KATNIP: variants seen among roughly 807,000 people sequenced by gnomAD.
The protein encoded by KATNIP is katanin interacting protein, also known as katanin-interacting protein.
A neutral mutation model predicts 174.0 loss-of-function variants in KATNIP; 126 were observed. The ratio of observed to expected loss-of-function variants is 0.72; its 90% CI spans 0.63 to 0.84. The LOEUF is 0.84. Among genes scored for constraint, KATNIP ranks in the 40% least tolerant of loss-of-function variants. KATNIP has a pLI of 0.00. For missense variants in KATNIP, 1,958 were observed against 2,109.7 expected, an observed-to-expected ratio of 0.93 and a Z score of 1.41; for synonymous variants, 810 against 835.7, an observed-to-expected ratio of 0.97 and a Z score of 0.53.
chr16:27,744,290 C>A (rs1445937416), intron 15 of KATNIP, among the ~76,000 whole-genome samples: 2 of 151,958 alleles, frequency 1.3e-5, no homozygotes, highest in Non-Finnish European at 2.9e-5. Flanking sequence ...CTTTGGGAGG[C>A]CAAGGTGGGA....
Position 27,628,816 on chromosome 16 carries a change from C to G in KATNIP, c.296C>G (p.Thr99Arg). Residue 99 changes from threonine to arginine, a missense_variant, in exon 4 of 28, where the codon ACG (threonine) becomes AGG (arginine). By Grantham distance (71) the Thr-to-Arg change is moderately conservative. Coordinates refer to ENST00000261588, the MANE Select transcript of KATNIP (RefSeq NM_015202.5). Reference sequence around the variant, plus strand: ...GACTTCTCCAGAAGTGCCTCCCACACGGAGGGGACACACGGTGAGCACAGG... The same window carrying G: ...GACTTCTCCAGAAGTGCCTCCCACAGGGAGGGGACACACGGTGAGCACAGG... ...HSDFSRSASH[T>R]EGTHDYGRRT... is the part of the protein sequence containing the mutation. The G allele has an allele frequency of 1.9e-6, 3 of 1,614,080 alleles. No homozygotes were observed. Among genetic ancestry groups the G allele is most frequent in the Non-Finnish European group, 2.5e-6 (3 of 1,179,996 alleles).
intron 8 of KATNIP, 102 bp from the exon 9 acceptor site, chr16:27,698,225 GC>G (rs1222817906): frequency 8.3e-7 from 1 of 1,212,000 alleles, no homozygotes; most frequent in African/African-American, 1.5e-5. Flanking sequence ...GAGAGTATGG[GC>G]CAGTTGTTTT....
At position 27,637,841 on chromosome 16, in the gene KATNIP, AT is replaced by A. The variant is rs1476821747; in HGVS notation, c.408+6683del. Among the ~76,000 whole-genome samples, 1 of 152,142 alleles carries A rather than the reference AT, an allele frequency of 6.6e-6. No homozygotes were observed. The highest frequency in any genetic ancestry group is 2.4e-5 in the African/African-American group (1 of 41,442). On this transcript the variant is annotated intron_variant, in intron 5 of 27. Transcript: ENST00000261588. This position sits in a 1 kb window ranked among gnomAD's most constrained non-coding sequence, Gnocchi z 4.7. The stretch of plus-strand genomic sequence containing the variant: ...AGTAGAGCGCCACGTTTGGGTTCAT[AT>A]TTTGGGTTCATGTGTGCAGAAAGGA...
chr16:27,714,904 C>A (rs1180210901), intron 13 of KATNIP, among the ~76,000 whole-genome samples: 1 of 152,292 alleles, frequency 6.6e-6, no homozygotes, highest in East Asian at 1.9e-4. Context: ...TCAGCAAAAT[C>A]ACTATCAGAA....
chr16:27,677,700 C>T, intron 6 of KATNIP, 29 bp from the exon 7 acceptor site: 5 of 1,578,602 alleles, frequency 3.2e-6, no homozygotes, highest in Non-Finnish European at 4.3e-6. Flanking sequence ...CCATATTTAT[C>T]TCTCATCTCT....
chr16:27,777,157 G>A lies in KATNIP; in HGVS notation c.4551+128G>A, dbSNP rs946350213. Reference sequence around the variant, plus strand: ...CAACCCTCAACACAAATGCCTGGTCGTCAGATGCAGGCGAATTTCCCACCC... The same window carrying A: ...CAACCCTCAACACAAATGCCTGGTCATCAGATGCAGGCGAATTTCCCACCC... On this transcript the variant is annotated intron_variant, in intron 25 of 27. Transcript: ENST00000261588. This position sits in a 1 kb window ranked among gnomAD's most constrained non-coding sequence, Gnocchi z 4.4. 8 of 663,474 alleles carry A rather than the reference G, an allele frequency of 1.2e-5. No homozygotes were observed. The highest frequency in any genetic ancestry group is 5.4e-5 in the East Asian group (2 of 36,858). The allele number at this position is 663,474 out of a possible 1,614,324, so 41.1% of individuals were successfully genotyped here. A position where few individuals can be genotyped will look rare whatever the true frequency, so the allele number is the denominator to read the frequency against.
At chr16:27,553,968 G>A (rs1164815653) in intron 1 of KATNIP, among the ~76,000 whole-genome samples, 1 of 150,856 alleles carries the variant, frequency 6.6e-6, no homozygotes, top group Non-Finnish European at 1.5e-5. Context: ...AGAGCAGGGG[G>A]TGGGGTGGGG....
chr16:27,674,609 A>G (rs867616607), intron 6 of KATNIP, among the ~76,000 whole-genome samples: 34 of 152,290 alleles, frequency 2.2e-4, no homozygotes, highest in Middle Eastern at 3.4e-3. Context: ...GACGCCTATG[A>G]TTACACTGGA....
chr16:27,646,815 A>C (rs1344996219), intron 5 of KATNIP, among the ~76,000 whole-genome samples: 1 of 151,932 alleles, frequency 6.6e-6, no homozygotes, highest in African/African-American at 2.4e-5. Flanking sequence ...AGATGGGAGC[A>C]CTCGCCCTTG....
chr16:27,760,219 C>T (rs59724635), intron 18 of KATNIP, among the ~76,000 whole-genome samples: 1,635 of 152,216 alleles, frequency 0.011, 26 homozygotes, highest in African/African-American at 0.038. Flanking sequence ...TTTCTGTGAA[C>T]GCTGCAAAGA....
rs546678718 is a variant in KATNIP at position 27,770,413 on chromosome 16, A to T, written c.4133+395A>T. Among the ~76,000 whole-genome samples, 38 of 152,350 alleles carry T rather than the reference A, an allele frequency of 2.5e-4. 1 individual carries two copies. The South Asian group carries it at 7.7e-3, about 31-fold the overall frequency. On this transcript the variant is annotated intron_variant, in intron 21 of 27. Coordinates refer to ENST00000261588, the MANE Select transcript of KATNIP (RefSeq NM_015202.5). ...ATAGAGCTTAATATTTCATGGATTCACTGGGATTTCTCGGCCCCAGTCTCA... is the reference window on the plus strand; with the variant it reads ...ATAGAGCTTAATATTTCATGGATTCTCTGGGATTTCTCGGCCCCAGTCTCA...
In KATNIP at chr16:27,648,742, A is replaced by G; in HGVS notation, c.540+7A>G. Reference sequence around the variant, plus strand: ...TTCTGAGGATCGTCCGCAGGTAGGGATGGCCTTGGCCTTGTGCTCGGGACA... The same window carrying G: ...TTCTGAGGATCGTCCGCAGGTAGGGGTGGCCTTGGCCTTGTGCTCGGGACA... On this transcript the variant is annotated splice_region_variant and intron_variant, in intron 6 of 27. Transcript: ENST00000261588. The G allele has an allele frequency of 6.2e-7, 1 of 1,612,294 alleles. No individual in the cohort carries two copies. Among genetic ancestry groups the G allele is most frequent in the Admixed American group, 1.7e-5 (1 of 59,704 alleles).
intron 5 of KATNIP, among the ~76,000 whole-genome samples, chr16:27,641,520 C>G (rs2076797892): frequency 6.6e-6 from 1 of 152,026 alleles, no homozygotes. Flanking sequence ...CCATGTGAAC[C>G]TCTTAGGGCC....
rs774633819 is a variant in KATNIP, at chr16:27,778,630, C to CT, written c.*2dup. ...GGAGACGAGACGACGGCGCTGCTGA[C>CT]TGGTGAAGGAGGGAGAGCTGGTCCT... is the stretch of plus-strand genomic sequence containing the variant. On this transcript the variant is annotated 3_prime_UTR_variant, in exon 28 of 28. Transcript: ENST00000261588. The CT allele has an allele frequency of 1.2e-6, 2 of 1,613,598 alleles. No homozygotes were observed. Among genetic ancestry groups the CT allele is most frequent in the South Asian group, 2.2e-5 (2 of 91,026 alleles).
intron 1 of KATNIP, among the ~76,000 whole-genome samples, chr16:27,565,524 G>A (rs1028539949): frequency 7.9e-5 from 12 of 151,704 alleles, no homozygotes; most frequent in African/African-American, 2.2e-4. Context: ...GCTGCTTCAC[G>A]CCTGTAATAC....
chr16:27,681,629 C>A, intron 8 of KATNIP, 99 bp downstream of exon 8: 1 of 1,376,458 alleles, frequency 7.3e-7, no homozygotes, highest in Non-Finnish European at 1.0e-6. Flanking sequence ...ACCCTCCTTG[C>A]AGAGGGCTAG....
intron 2 of KATNIP, among the ~76,000 whole-genome samples, chr16:27,579,733 G>A (rs1395720117): frequency 6.6e-6 from 1 of 152,026 alleles, no homozygotes; most frequent in Non-Finnish European, 1.5e-5. Context: ...GCAGTTGATT[G>A]GAGATTCCAA....
At chr16:27,745,165 A>G (rs1000585446) in intron 15 of KATNIP, among the ~76,000 whole-genome samples, 1 of 152,206 alleles carries the variant, frequency 6.6e-6, no homozygotes, top group Non-Finnish European at 1.5e-5. Flanking sequence ...TCATCAGTCC[A>G]GTTTGAGCAG....
At chr16:27,763,234 G>A (rs1003744242) in intron 19 of KATNIP, among the ~76,000 whole-genome samples, 2 of 151,636 alleles carry the variant, frequency 1.3e-5, no homozygotes, top group African/African-American at 4.8e-5. Context: ...AGGATCACTT[G>A]AGTCCAGGAA....
Sources: allele counts gnomAD v4.1 joint callset (sites outside exome capture counted in the v4.1 genomes callset), GRCh38; gene constraint gnomAD v4.1.1; non-coding constraint Gnocchi (gnomAD v3.1); transcripts MANE v1.5; gene names NCBI Gene and HGNC (gene_info 2026-07-23, HGNC 2026-07-21).